The following ANKFY1 variants were observed in gnomAD, a reference collection of about 807,000 sequenced individuals.
ANKFY1 encodes the protein ankyrin repeat and FYVE domain-containing protein 1.
ANKFY1 carries 47 observed loss-of-function variants against 128.3 expected under a neutral mutation model. The observed-to-expected ratio is 0.37, with a 90% confidence interval of 0.29 to 0.47. The LOEUF (loss-of-function observed/expected upper bound fraction) is 0.47, where lower values mean the gene tolerates loss of function less well. Ranked by LOEUF, ANKFY1 falls within the 20% of genes least tolerant of loss-of-function variation. The probability of loss-of-function intolerance (pLI) is 1.00; values close to 1 mark genes in which losing one functional copy is unlikely to be tolerated. For missense variants in ANKFY1, 1,222 were observed against 1,510.6 expected (o/e 0.81, Z 3.17); for synonymous variants, 553 against 601.6 (o/e 0.92, Z 1.18).
At chr17:4,188,704 T>C (rs2059654379) in intron 11 of ANKFY1, 1 of 152,168 alleles carries the variant, frequency 6.6e-6, no homozygotes, top group African/African-American at 2.4e-5. Context: ...TCAGATATTA[T>C]GCTAATAAGC....
chr17:4,196,886 G>A (rs1226385339), intron 8 of ANKFY1, among the ~76,000 whole-genome samples: 4 of 152,180 alleles, frequency 2.6e-5, no homozygotes, highest in Middle Eastern at 3.2e-3. Flanking sequence ...TTGGGAGACC[G>A]AGGTGGGCAG....
In ANKFY1 at chr17:4,172,584, C is replaced by T; in HGVS notation, c.3111G>A (p.Leu1037=). The T allele has an allele frequency of 6.2e-7, 1 of 1,614,018 alleles. No homozygotes were observed. The highest frequency in any genetic ancestry group is 8.5e-7 in the Non-Finnish European group (1 of 1,179,928). Residue 1037 remains leucine (L), a synonymous_variant, in exon 22 of 25, where the codon CTG becomes CTA. Transcript: ENST00000341657. The stretch of plus-strand genomic sequence containing the variant: ...TGCTGCCGTCTGCATCCGGCTTGTC[C>T]AGAGGATACCCCGGCATGCATTCTA... ...LFLECMPGYP[L]DKPDADGSTV... is the part of the protein sequence containing the mutation.
intron 3 of ANKFY1, among the ~76,000 whole-genome samples, chr17:4,219,825 C>G (rs949794797): frequency 6.6e-6 from 1 of 151,700 alleles, no homozygotes; most frequent in Non-Finnish European, 1.5e-5. Context: ...GTAATAGCAC[C>G]TTTTCTTTTT....
chr17:4,195,289 G>A (rs2059797210), intron 9 of ANKFY1, 112 bp from the exon 10 acceptor site: 2 of 1,090,194 alleles, frequency 1.8e-6, no homozygotes, highest in Non-Finnish European at 2.7e-6. Flanking sequence ...TTTTTTTTTA[G>A]CTCACTTTAA....
intron 7 of ANKFY1, among the ~76,000 whole-genome samples, chr17:4,201,631 G>A (rs2059930484): frequency 6.6e-6 from 1 of 152,132 alleles, no homozygotes; most frequent in Admixed American, 6.5e-5. Flanking sequence ...ATGACTTCAG[G>A]TAACTTAACA....
chr17:4,194,103 A>ATATAT (rs1555627694), intron 10 of ANKFY1, among the ~76,000 whole-genome samples: 19 of 108,160 alleles, frequency 1.8e-4, no homozygotes, highest in African/African-American at 7.8e-4. Context: ...ATATATATAT[A>ATATAT]TTTTTTTTTT....
intron 24 of ANKFY1, among the ~76,000 whole-genome samples, chr17:4,168,446 T>C (rs553691476): frequency 2.0e-5 from 3 of 152,260 alleles, no homozygotes; most frequent in Non-Finnish European, 2.9e-5. Flanking sequence ...AGCAAGACTA[T>C]GTCTCAAAAA....
intron 4 of ANKFY1, among the ~76,000 whole-genome samples, chr17:4,211,123 G>T (rs2143018079): frequency 6.6e-6 from 1 of 152,212 alleles, no homozygotes; most frequent in South Asian, 2.1e-4. Context: ...AGCCAAATCA[G>T]CCAGGTGTGG....
intron 2 of ANKFY1, 69 bp from the exon 3 acceptor site, chr17:4,235,959 G>T: frequency 9.0e-7 from 1 of 1,109,686 alleles, no homozygotes; most frequent in Non-Finnish European, 1.4e-6. Flanking sequence ...AGGATTCACA[G>T]CTGATAAACA....
intron 3 of ANKFY1, among the ~76,000 whole-genome samples, chr17:4,224,412 C>T (rs1228894881): frequency 1.3e-5 from 2 of 151,302 alleles, no homozygotes; most frequent in African/African-American, 4.9e-5. Context: ...TTAGTAGAGA[C>T]GGGGTTTCAC....
At chr17:4,263,640 C>T (rs1269536846) in intron 1 of ANKFY1, 6 of 1,534,800 alleles carry the variant, frequency 3.9e-6, no homozygotes, top group East Asian at 4.9e-5. Flanking sequence ...GCCTCCCGTG[C>T]TGCCCTCGGG....
At chr17:4,183,233 T>C (rs2059547400) in intron 14 of ANKFY1, among the ~76,000 whole-genome samples, 165 bp downstream of exon 14, 1 of 152,258 alleles carries the variant, frequency 6.6e-6, no homozygotes, top group Admixed American at 6.5e-5. Context: ...TCAAGTCTTT[T>C]GATGATATTC....
chr17:4,255,839 C>T (rs570140025), intron 1 of ANKFY1, among the ~76,000 whole-genome samples: 9 of 149,376 alleles, frequency 6.0e-5, no homozygotes, highest in East Asian at 4.0e-4. Flanking sequence ...TCTTTTGAAA[C>T]GGAGTCTCAC....
intron 3 of ANKFY1, among the ~76,000 whole-genome samples, chr17:4,217,824 C>A (rs759850707): frequency 1.3e-5 from 2 of 151,932 alleles, no homozygotes; most frequent in African/African-American, 4.8e-5. Context: ...TAGCTGGGAC[C>A]GCAGGTGCAT....
At chr17:4,231,928 T>A in intron 3 of ANKFY1, among the ~76,000 whole-genome samples, 1 of 143,288 alleles carries the variant, frequency 7.0e-6, no homozygotes, top group African/African-American at 2.6e-5. Context: ...CAGAGTGAAA[T>A]CCTGTTTAAA....
At chr17:4,186,905 A>T in intron 11 of ANKFY1, 1 of 1,094,858 alleles carries the variant, frequency 9.1e-7, no homozygotes. Flanking sequence ...TTAAATGTGT[A>T]GAAATTCAAA....
chr17:4,193,162 C>T (rs938373190), intron 10 of ANKFY1, among the ~76,000 whole-genome samples: 1 of 152,182 alleles, frequency 6.6e-6, no homozygotes, highest in Non-Finnish European at 1.5e-5. Context: ...ATAGAGAATG[C>T]TGCATCCTAT....
In ANKFY1 at chr17:4,197,489, A is replaced by G. The variant is rs1413607292; in HGVS notation, c.987T>C (p.Leu329=). ...GTTTCTTTGAACTGTACAAGGCCAC[A>G]AGGTGCAGTGGTGTCTCCTGGGCAC... is the stretch of plus-strand genomic sequence containing the variant. ...TLGAQETPLH[L]VALYSSKKHS... is the part of the protein sequence containing the mutation. The change falls in exon 8 of 25, where the codon CTT becomes CTC. Residue 329 remains leucine, a synonymous_variant. Coordinates refer to ENST00000341657, the MANE Select transcript of ANKFY1 (RefSeq NM_001330063.2). The G allele has an allele frequency of 6.2e-7, 1 of 1,614,206 alleles. No individual in the cohort carries two copies. The highest frequency in any genetic ancestry group is 1.7e-5 in the Admixed American group (1 of 60,020).
chr17:4,262,966 A>G (rs1305584045), intron 1 of ANKFY1, among the ~76,000 whole-genome samples: 1 of 152,178 alleles, frequency 6.6e-6, no homozygotes, highest in South Asian at 2.1e-4. Flanking sequence ...GCTCAAAACC[A>G]ACAGGAAAGG....
Sources: gnomAD v4.1 joint callset for allele counts (sites outside exome capture counted in the v4.1 genomes callset) on GRCh38, gnomAD v4.1.1 for gene constraint, MANE v1.5 for transcripts, NCBI Gene and HGNC (gene_info 2026-07-23, HGNC 2026-07-21) for gene names.